The following RCAN2 variants were observed in gnomAD, a reference collection of about 807,000 sequenced individuals.
The protein encoded by RCAN2 is regulator of calcineurin 2.
In RCAN2, 9 loss-of-function variants were observed where a neutral mutation model predicts 23.6. That is an observed-to-expected ratio of 0.38 (90% confidence interval 0.23 to 0.67). The LOEUF (loss-of-function observed/expected upper bound fraction) is 0.67, where lower values mean the gene tolerates loss of function less well. Ranked by LOEUF, RCAN2 falls within the 30% of genes least tolerant of loss-of-function variation. The pLI is 0.51. For synonymous variants in RCAN2, 109 were observed against 115.7 expected (o/e 0.94, Z 0.37); for missense variants, 273 against 302.3 (o/e 0.90, Z 0.72).
chr6:46,252,011 T>C (rs994960285), intron 2 of RCAN2, among the ~76,000 whole-genome samples: 10 of 134,792 alleles, frequency 7.4e-5, no homozygotes, highest in African/African-American at 2.8e-4. Context: ...AGCTGACATT[T>C]ACTCAGCATG....
intron 2 of RCAN2, among the ~76,000 whole-genome samples, chr6:46,356,839 TG>T (rs2150381169): frequency 6.6e-6 from 1 of 152,324 alleles, no homozygotes; most frequent in African/African-American, 2.4e-5. Flanking sequence ...CCCTGTCAGA[TG>T]AACATTATAT....
At chr6:46,346,770 T>C (rs1400184699) in intron 2 of RCAN2, among the ~76,000 whole-genome samples, 1 of 152,058 alleles carries the variant, frequency 6.6e-6, no homozygotes, top group Non-Finnish European at 1.5e-5. Context: ...TCTTCTTTTC[T>C]TTTGTATTTT....
At chr6:46,405,760 C>T (rs545152770) in intron 2 of RCAN2, among the ~76,000 whole-genome samples, 185 of 152,356 alleles carry the variant, frequency 1.2e-3, no homozygotes, top group Middle Eastern at 6.8e-3. Flanking sequence ...CCGCACCGTG[C>T]GCTCGCACTC....
intron 2 of RCAN2, among the ~76,000 whole-genome samples, chr6:46,365,900 C>T (rs1765160434): frequency 6.6e-6 from 1 of 152,156 alleles, no homozygotes; most frequent in African/African-American, 2.4e-5. Flanking sequence ...TTGTGTTGGG[C>T]ATTATGCTAG....
At chr6:46,234,865 C>G (rs1228360514) in intron 4 of RCAN2, among the ~76,000 whole-genome samples, 5 of 152,182 alleles carry the variant, frequency 3.3e-5, no homozygotes, top group Non-Finnish European at 7.3e-5. Flanking sequence ...GTCCCAATTC[C>G]TCTATGACTG....
At chr6:46,399,455 G>A (rs1766187479) in intron 2 of RCAN2, among the ~76,000 whole-genome samples, 1 of 150,466 alleles carries the variant, frequency 6.6e-6, no homozygotes, top group African/African-American at 2.4e-5. Flanking sequence ...AGGGGGAACT[G>A]CAGGCAAGGT....
intron 1 of RCAN2, among the ~76,000 whole-genome samples, chr6:46,460,309 A>G (rs1768171158): frequency 6.6e-6 from 1 of 152,080 alleles, no homozygotes; most frequent in Non-Finnish European, 1.5e-5. Context: ...TAGTCCTCCC[A>G]TTTTGGTTTC....
intron 2 of RCAN2, among the ~76,000 whole-genome samples, chr6:46,318,301 T>C (rs1763507104): frequency 1.3e-5 from 2 of 152,268 alleles, no homozygotes; most frequent in South Asian, 4.2e-4. Context: ...TTTTAGGAAA[T>C]GAAAGTTAGT....
chr6:46,307,167 G>C (rs893446995), intron 2 of RCAN2, among the ~76,000 whole-genome samples: 4 of 152,160 alleles, frequency 2.6e-5, no homozygotes, highest in African/African-American at 7.2e-5. Flanking sequence ...CACTATGCCA[G>C]GCACTGTGCT....
chr6:46,374,605 G>A (rs1451583471), intron 2 of RCAN2, among the ~76,000 whole-genome samples: 4 of 152,138 alleles, frequency 2.6e-5, no homozygotes, highest in African/African-American at 9.7e-5. Flanking sequence ...GTGATTTCTA[G>A]ATTCCACGGG....
intron 2 of RCAN2, among the ~76,000 whole-genome samples, chr6:46,402,689 T>C (rs1358744748): frequency 6.6e-6 from 1 of 152,138 alleles, no homozygotes; most frequent in Non-Finnish European, 1.5e-5. Flanking sequence ...CCTGCTGGGT[T>C]TTCCCACTCC....
chr6:46,383,356 C>G (rs924358907), intron 2 of RCAN2, among the ~76,000 whole-genome samples: 4 of 151,938 alleles, frequency 2.6e-5, no homozygotes, highest in Admixed American at 1.3e-4. Context: ...ACAGCTTAGG[C>G]GAAGACTCAG....
intron 2 of RCAN2, among the ~76,000 whole-genome samples, chr6:46,297,038 G>A (rs184976780): frequency 2.2e-3 from 337 of 152,170 alleles, no homozygotes; most frequent in Middle Eastern, 6.8e-3. Context: ...CTTCTAAAAT[G>A]TTTTTCCTCA....
chr6:46,292,454 G>C (rs1236622560), intron 2 of RCAN2, among the ~76,000 whole-genome samples: 1 of 145,342 alleles, frequency 6.9e-6, no homozygotes, highest in South Asian at 2.1e-4. Context: ...TTTTTTGGTG[G>C]GGGGGTTGCC....
chr6:46,491,917 A>G, upstream of RCAN2: 1 of 152,446 alleles, frequency 6.6e-6, no homozygotes, highest in Non-Finnish European at 1.5e-5. Flanking sequence ...AATGTCGGGG[A>G]GCCCCTGGAT....
intron 2 of RCAN2, among the ~76,000 whole-genome samples, chr6:46,271,670 C>T (rs1348010881): frequency 6.6e-6 from 1 of 152,172 alleles, no homozygotes; most frequent in Non-Finnish European, 1.5e-5. Flanking sequence ...AGGATACTTG[C>T]AAAGCACTTG....
At chr6:46,467,623 G>T (rs1428486738) in intron 1 of RCAN2, among the ~76,000 whole-genome samples, 1 of 152,176 alleles carries the variant, frequency 6.6e-6, no homozygotes, top group African/African-American at 2.4e-5. Flanking sequence ...TTGAATTTTG[G>T]CACTGCCACT....
intron 1 of RCAN2, among the ~76,000 whole-genome samples, chr6:46,459,060 G>A (rs1018413591): frequency 2.6e-5 from 4 of 152,262 alleles, no homozygotes; most frequent in Non-Finnish European, 5.9e-5. Context: ...ACCACGCCCG[G>A]TTAGTTTTTG....
intron 1 of RCAN2, among the ~76,000 whole-genome samples, chr6:46,463,278 C>T (rs145244573): frequency 3.3e-5 from 5 of 152,318 alleles, no homozygotes; most frequent in African/African-American, 1.2e-4. Flanking sequence ...TGAGTTAAAG[C>T]TTGGTTGCCT....
Sources: allele counts gnomAD v4.1 joint callset (sites outside exome capture counted in the v4.1 genomes callset), GRCh38; gene constraint gnomAD v4.1.1; transcripts MANE v1.5; gene names NCBI Gene and HGNC (gene_info 2026-07-23, HGNC 2026-07-21).